Variants in GRM4 observed in about 807,000 individuals in gnomAD.
The protein encoded by GRM4 is metabotropic glutamate receptor 4.
GRM4 carries 28 observed loss-of-function variants against 81.7 expected under a neutral mutation model. The ratio of observed to expected loss-of-function variants is 0.34; its 90% CI spans 0.25 to 0.47. GRM4 has a LOEUF of 0.47. GRM4 is among the 20% of genes least tolerant of loss of function. The pLI is 1.00. For missense variants in GRM4, 948 were observed against 1,290.0 expected, an observed-to-expected ratio of 0.73 and a Z score of 4.06; for synonymous variants, 488 against 528.8, an observed-to-expected ratio of 0.92 and a Z score of 1.06.
rs1467956996 is a variant in GRM4 at position 34,068,618 on chromosome 6, C to T, written c.737-6590G>A. ...GATCACCTGCCTTCAAAGACCCATC[C>T]CCCCGCACCACCACTTGTGGGATGT... On this transcript the variant is annotated intron_variant, in intron 3 of 10. Transcript: ENST00000538487. The surrounding 1 kb of genome is among the most constrained non-coding windows in gnomAD (Gnocchi z 4.2). Among the ~76,000 whole-genome samples the T allele has an allele frequency of 1.3e-5, 2 of 152,340 alleles. No homozygotes were observed. Among genetic ancestry groups the T allele is most frequent in the East Asian group, 1.9e-4 (1 of 5,176 alleles).
intron 3 of GRM4, among the ~76,000 whole-genome samples, chr6:34,085,825 G>A (rs959400059): frequency 3.9e-5 from 6 of 152,164 alleles, no homozygotes; most frequent in African/African-American, 9.7e-5. Flanking sequence ...AGAGTAGGAC[G>A]GAGGCAGGGG....
At position 34,040,158 on chromosome 6, in the gene GRM4, C is replaced by T. The variant is rs759261809; in HGVS notation, c.1506+20G>A. 6.2e-7 allele frequency: 1 copy of T among 1,612,212 alleles called. No homozygotes were observed. Among genetic ancestry groups the T allele is most frequent in the Non-Finnish European group, 8.5e-7 (1 of 1,178,504 alleles). On this transcript the variant is annotated intron_variant, in intron 8 of 10. Transcript: ENST00000538487. Reference sequence around the variant, plus strand: ...AACTGCGTGAGTCACTCTCCACCCACTCCCTGCCCTCCCACTTACTCTAAG... The same window carrying T: ...AACTGCGTGAGTCACTCTCCACCCATTCCCTGCCCTCCCACTTACTCTAAG...
chr6:34,126,469 A>G (rs1770025158), intron 2 of GRM4, among the ~76,000 whole-genome samples: 2 of 152,220 alleles, frequency 1.3e-5, no homozygotes, highest in South Asian at 4.1e-4. Context: ...ATGACAGCCT[A>G]AAATGGTACA....
chr6:34,035,536 A>ATG lies in GRM4; in HGVS notation c.2442+131_2442+132insCA, dbSNP rs1244734376. 76 of 592,502 alleles carry ATG rather than the reference A, an allele frequency of 1.3e-4. No homozygotes were observed. Among genetic ancestry groups the ATG allele is most frequent in the African/African-American group, 7.5e-4 (39 of 52,280 alleles). 36.7% of individuals were successfully genotyped at this position (592,502 alleles called of 1,614,324 possible). A position where few individuals can be genotyped will look rare whatever the true frequency, so the allele number is the denominator to read the frequency against. On this transcript the variant is annotated intron_variant, in intron 9 of 10. Coordinates refer to ENST00000538487, the MANE Select transcript of GRM4 (RefSeq NM_000841.4). This position sits in a 1 kb window ranked among gnomAD's most constrained non-coding sequence, Gnocchi z 6.6. ...GGCATGAAAGAAGGCAGAATGAGGC[A>ATG]AGAAAGAAGGCAGAATGAGGCATGA...
chr6:34,110,244 T>C (rs1339780473), intron 2 of GRM4, among the ~76,000 whole-genome samples: 1 of 145,740 alleles, frequency 6.9e-6, no homozygotes, highest in Non-Finnish European at 1.5e-5. Context: ...CAGTGAGCCA[T>C]GGTTGCGCTA....
At chr6:34,039,391 G>C (rs73747249) in intron 8 of GRM4, among the ~76,000 whole-genome samples, 2,323 of 152,332 alleles carry the variant, frequency 0.015, 64 homozygotes, top group African/African-American at 0.051. Flanking sequence ...GTGGAGGCCA[G>C]ATGAGGACCT....
upstream of GRM4, among the ~76,000 whole-genome samples, chr6:34,149,274 T>C (rs1771000743): frequency 6.6e-6 from 1 of 152,236 alleles, no homozygotes; most frequent in African/African-American, 2.4e-5. Flanking sequence ...GAACACCTGA[T>C]AAATGCTTCC....
intron 2 of GRM4, among the ~76,000 whole-genome samples, chr6:34,107,200 G>T (rs1439580508): frequency 6.6e-6 from 1 of 152,190 alleles, no homozygotes; most frequent in Non-Finnish European, 1.5e-5. Context: ...GACACTGGCG[G>T]CCCCTTGCTC....
At position 34,089,388 on chromosome 6, in the gene GRM4, T is replaced by C. The variant is rs544148558; in HGVS notation, c.736+2495A>G. 1.5e-5 allele frequency among the ~76,000 whole-genome samples: 2 copies of C among 129,586 alleles called. No homozygotes were observed. Among genetic ancestry groups the C allele is most frequent in the African/African-American group, 5.7e-5 (2 of 35,148 alleles). 85.0% of individuals were successfully genotyped at this position (129,586 alleles called of 152,430 possible). A position where few individuals can be genotyped will look rare whatever the true frequency, so the allele number is the denominator to read the frequency against. On this transcript the variant is annotated intron_variant, in intron 3 of 10. Coordinates refer to ENST00000538487, the MANE Select transcript of GRM4 (RefSeq NM_000841.4). This position sits in a 1 kb window ranked among gnomAD's most constrained non-coding sequence, Gnocchi z 4.3. ...GAAGTGCAGCTCTCTCTCTCTCTCTTCCTTTCTTTTCACCCACTAAAAGAT... is the reference window on the plus strand; with the variant it reads ...GAAGTGCAGCTCTCTCTCTCTCTCTCCCTTTCTTTTCACCCACTAAAAGAT...
rs3041182 is a variant in GRM4, at chr6:34,080,871, TAC to T, written c.736+11010_736+11011del. Among the ~76,000 whole-genome samples the T allele has an allele frequency of 0.054, 6,633 of 123,144 alleles. 193 individuals are homozygous for T. The highest frequency in any genetic ancestry group is 0.07 in the Non-Finnish European group (4,275 of 61,200). 80.8% of individuals were successfully genotyped at this position (123,144 alleles called of 152,430 possible). ...ATACACACACACATACACATACATA[TAC>T]ACACACACACACACACAACCCTTAC... On this transcript the variant is annotated intron_variant, in intron 3 of 10. Transcript: ENST00000538487. The surrounding 1 kb of genome is among the most constrained non-coding windows in gnomAD (Gnocchi z 5.4).
chr6:34,138,974 A>C (rs535717055), intron 1 of GRM4, among the ~76,000 whole-genome samples: 1 of 152,358 alleles, frequency 6.6e-6, no homozygotes, highest in African/African-American at 2.4e-5. Flanking sequence ...GGATTGATTC[A>C]GCTATAAGGA....
chr6:34,086,113 C>T (rs1767874881), intron 3 of GRM4, among the ~76,000 whole-genome samples: 1 of 152,156 alleles, frequency 6.6e-6, no homozygotes, highest in Non-Finnish European at 1.5e-5. Flanking sequence ...TGGGGCCAGC[C>T]CCCTTGGCTC....
intron 2 of GRM4, among the ~76,000 whole-genome samples, chr6:34,131,833 C>CA (rs1167353345): frequency 6.6e-6 from 1 of 152,126 alleles, no homozygotes; most frequent in African/African-American, 2.4e-5. Flanking sequence ...TTTGGGGAGA[C>CA]AAAGGTCAAC....
chr6:34,082,665 A>C (rs1338683026), intron 3 of GRM4, among the ~76,000 whole-genome samples: 2 of 152,242 alleles, frequency 1.3e-5, no homozygotes, highest in African/African-American at 4.8e-5. Context: ...AAGGAAAACA[A>C]CTAATGCCTT....
rs763207764 is a variant in GRM4, at chr6:34,130,387, C to A, written c.519+2591G>T. Among the ~76,000 whole-genome samples, 2 of 152,158 alleles carry A rather than the reference C, an allele frequency of 1.3e-5. No individual in the cohort carries two copies. Among genetic ancestry groups the A allele is most frequent in the Non-Finnish European group, 2.9e-5 (2 of 68,022 alleles). On this transcript the variant is annotated intron_variant, in intron 2 of 10. Coordinates refer to ENST00000538487, the MANE Select transcript of GRM4 (RefSeq NM_000841.4). This position sits in a 1 kb window ranked among gnomAD's most constrained non-coding sequence, Gnocchi z 4.1. ...CTTGCTCTCTGTGCAGCCTGAGGGG[C>A]TCCTGACCCCTGCCCCAACCACTCC... is the stretch of plus-strand genomic sequence containing the variant.
rs756558978 is a variant in GRM4 at position 34,133,018 on chromosome 6, G to C, written c.479C>G (p.Ser160Trp). 1 of 1,612,616 alleles carries C rather than the reference G, an allele frequency of 6.2e-7. No homozygotes were observed. The highest frequency in any genetic ancestry group is 1.7e-5 in the Admixed American group (1 of 59,866). ...GATGTTGGCCACCATGATGGAGACC[G>C]AGCTCCCTGAAGCACCGATGACACC... ...VVGVIGASGS[S>W]VSIMVANILR... The change falls in exon 2 of 11, where the codon TCG (serine) becomes TGG (tryptophan). Residue 160 changes from serine to tryptophan, a missense_variant. Ser to Trp is a radical substitution (Grantham distance 177). Transcript: ENST00000538487. This position sits in a 1 kb window ranked among gnomAD's most constrained non-coding sequence, Gnocchi z 6.5.
intron 2 of GRM4, among the ~76,000 whole-genome samples, chr6:34,122,237 C>T (rs770550188): frequency 6.6e-6 from 1 of 151,972 alleles, no homozygotes; most frequent in Non-Finnish European, 1.5e-5. Context: ...GACAACAAGG[C>T]GTCCAACAGG....
At position 34,019,357 on chromosome 6, in the gene GRM4, C is replaced by A. The variant is rs997018172; in HGVS notation, c.*3464G>T. 1 of 152,294 alleles carries A rather than the reference C, an allele frequency of 6.6e-6. No individual in the cohort carries two copies. The highest frequency in any genetic ancestry group is 2.4e-5 in the African/African-American group (1 of 41,456). 9.4% of individuals were successfully genotyped at this position (152,294 alleles called of 1,614,324 possible). On this transcript the variant is annotated 3_prime_UTR_variant, in exon 11 of 11. Coordinates refer to ENST00000538487, the MANE Select transcript of GRM4 (RefSeq NM_000841.4). ...CTGCTCAGGCTGGCAGCAGCCCAGC[C>A]TTGGGCTTGAGCCCCAGGCAAGCTC...
chr6:34,072,958 ACATG>A (rs1767043530), intron 3 of GRM4, among the ~76,000 whole-genome samples: 1 of 114,794 alleles, frequency 8.7e-6, no homozygotes, highest in Non-Finnish European at 1.8e-5. Context: ...CACACCACAC[ACATG>A]CATCACCACA....
Sources: allele counts gnomAD v4.1 joint callset (sites outside exome capture counted in the v4.1 genomes callset), GRCh38; gene constraint gnomAD v4.1.1; non-coding constraint Gnocchi (gnomAD v3.1); transcripts MANE v1.5; gene names NCBI Gene and HGNC (gene_info 2026-07-23, HGNC 2026-07-21).